The following PLXDC2 variants were observed in gnomAD, a reference collection of about 807,000 sequenced individuals.
PLXDC2 encodes the protein plexin domain containing 2, also known as plexin domain-containing protein 2.
A neutral mutation model predicts 68.9 loss-of-function variants in PLXDC2; 40 were observed. The observed-to-expected ratio is 0.58, with a 90% confidence interval of 0.45 to 0.76. The LOEUF (loss-of-function observed/expected upper bound fraction) is 0.76. PLXDC2 is among the 30% of genes least tolerant of loss of function. The probability of loss-of-function intolerance (pLI) is 0.00; values close to 1 mark genes in which losing one functional copy is unlikely to be tolerated. For missense variants in PLXDC2, 644 were observed against 661.9 expected (o/e 0.97, Z 0.30); for synonymous variants, 243 against 234.2 (o/e 1.04, Z -0.34).
chr10:19,823,317 T>C (rs1836509075), intron 1 of PLXDC2, among the ~76,000 whole-genome samples: 1 of 152,126 alleles, frequency 6.6e-6, no homozygotes, highest in African/African-American at 2.4e-5. Context: ...TTTTGGTTCT[T>C]TGTGGGATTC....
At chr10:19,873,179 G>A (rs937401534) in intron 1 of PLXDC2, among the ~76,000 whole-genome samples, 1 of 152,080 alleles carries the variant, frequency 6.6e-6, no homozygotes, top group Non-Finnish European at 1.5e-5. Flanking sequence ...CAGAGATTTC[G>A]GGTGGAGGGA....
At chr10:20,183,498 AGAG>A (rs1834635293) in intron 9 of PLXDC2, among the ~76,000 whole-genome samples, 1 of 152,010 alleles carries the variant, frequency 6.6e-6, no homozygotes, top group East Asian at 1.9e-4. Flanking sequence ...GTGAAGAGGG[AGAG>A]ACATGAGACT....
At chr10:20,210,911 G>C (rs756776426) in intron 9 of PLXDC2, among the ~76,000 whole-genome samples, 12 of 152,106 alleles carry the variant, frequency 7.9e-5, no homozygotes, top group Non-Finnish European at 1.3e-4. Context: ...CATTCATCAG[G>C]ATAGAATGCC....
chr10:20,187,593 GC>G (rs1456118702), intron 9 of PLXDC2, among the ~76,000 whole-genome samples: 1 of 151,498 alleles, frequency 6.6e-6, no homozygotes, highest in Non-Finnish European at 1.5e-5. Context: ...TTACTTCAAA[GC>G]TTTTTGCAGG....
chr10:19,981,851 A>G (rs1834556456), intron 1 of PLXDC2, among the ~76,000 whole-genome samples: 1 of 152,238 alleles, frequency 6.6e-6, no homozygotes, highest in Admixed American at 6.5e-5. Context: ...AGTTCGAGCA[A>G]AATTGCCCTT....
intron 7 of PLXDC2, among the ~76,000 whole-genome samples, chr10:20,166,877 GA>G (rs977004336): frequency 1.3e-5 from 2 of 152,048 alleles, no homozygotes; most frequent in Admixed American, 6.6e-5. Flanking sequence ...CGTGTTGGGG[GA>G]AAAATATTTT....
chr10:20,100,136 A>C (rs1833403393), intron 4 of PLXDC2, among the ~76,000 whole-genome samples: 1 of 152,156 alleles, frequency 6.6e-6, no homozygotes, highest in Non-Finnish European at 1.5e-5. Flanking sequence ...CTTTAAAAGA[A>C]TCTTAGTCTA....
chr10:20,190,908 A>T (rs955491708), intron 9 of PLXDC2, among the ~76,000 whole-genome samples: 4 of 151,938 alleles, frequency 2.6e-5, no homozygotes, highest in Non-Finnish European at 1.5e-5. Context: ...ACTATTTTAT[A>T]TTTCTTAATA....
intron 7 of PLXDC2, among the ~76,000 whole-genome samples, chr10:20,168,353 C>G (rs931253296): frequency 2.6e-5 from 4 of 152,070 alleles, no homozygotes; most frequent in African/African-American, 9.7e-5. Context: ...AAGTAGTACA[C>G]TTGTACTTAA....
chr10:20,211,598 C>G (rs1835070099), intron 9 of PLXDC2, 71 bp from the exon 10 acceptor site: 6 of 1,402,632 alleles, frequency 4.3e-6, no homozygotes, highest in African/African-American at 1.4e-5. Context: ...TAATCTTTTA[C>G]TTTTAATTTC....
intron 4 of PLXDC2, among the ~76,000 whole-genome samples, chr10:20,087,160 G>C (rs939788949): frequency 1.3e-5 from 2 of 152,140 alleles, no homozygotes; most frequent in African/African-American, 4.8e-5. Flanking sequence ...CTTTCCTACA[G>C]GAGTCAAAAC....
At chr10:19,934,962 A>G (rs1833698673) in intron 1 of PLXDC2, among the ~76,000 whole-genome samples, 1 of 152,244 alleles carries the variant, frequency 6.6e-6, no homozygotes, top group African/African-American at 2.4e-5. Context: ...TAGGGTCCAC[A>G]GTATTTCAGC....
chr10:19,940,317 A>G (rs1236149765), intron 1 of PLXDC2, among the ~76,000 whole-genome samples: 3 of 152,142 alleles, frequency 2.0e-5, no homozygotes, highest in Non-Finnish European at 2.9e-5. Context: ...TCTGCTAGGA[A>G]GTTTTAAATG....
chr10:20,116,710 C>T (rs1286315399), intron 4 of PLXDC2, among the ~76,000 whole-genome samples: 2 of 152,108 alleles, frequency 1.3e-5, no homozygotes, highest in Admixed American at 1.3e-4. Context: ...AGTAAGAAGA[C>T]ATAGAAAGGA....
At chr10:20,067,511 C>A (rs942652420) in intron 3 of PLXDC2, among the ~76,000 whole-genome samples, 12 of 151,980 alleles carry the variant, frequency 7.9e-5, no homozygotes, top group Admixed American at 3.9e-4. Flanking sequence ...CATGGCGAAA[C>A]CCCATCTCTA....
intron 3 of PLXDC2, among the ~76,000 whole-genome samples, chr10:20,052,722 C>CAAAAAAAAAAAAAAAAGAA (rs1835925101): frequency 1.1e-5 from 1 of 92,816 alleles, no homozygotes; most frequent in African/African-American, 3.8e-5. Flanking sequence ...ACAAATTATG[C>CAAAAAAAAAAAAAAAAGAA]AAAAAAAAAA....
At chr10:20,005,114 A>G (rs1271169937) in intron 2 of PLXDC2, among the ~76,000 whole-genome samples, 1 of 152,210 alleles carries the variant, frequency 6.6e-6, no homozygotes, top group Non-Finnish European at 1.5e-5. Flanking sequence ...CTGGTATTCA[A>G]ATGCAAGCTT....
At chr10:19,866,977 C>A (rs1837428961) in intron 1 of PLXDC2, among the ~76,000 whole-genome samples, 1 of 151,706 alleles carries the variant, frequency 6.6e-6, no homozygotes, top group Admixed American at 6.6e-5. Flanking sequence ...ATAGTTTGGC[C>A]TGTGGGTTTT....
At chr10:20,166,812 G>C (rs910987437) in intron 7 of PLXDC2, among the ~76,000 whole-genome samples, 85 of 152,140 alleles carry the variant, frequency 5.6e-4, no homozygotes, top group African/African-American at 2.0e-3. Context: ...TTAGATATCA[G>C]GGCCCTAAAG....
Sources: gnomAD v4.1 joint callset for allele counts (sites outside exome capture counted in the v4.1 genomes callset) on GRCh38, gnomAD v4.1.1 for gene constraint, MANE v1.5 for transcripts, NCBI Gene and HGNC (gene_info 2026-07-23, HGNC 2026-07-21) for gene names.